The following RABGAP1L variants were observed in gnomAD, a reference collection of about 807,000 sequenced individuals.
The protein encoded by RABGAP1L is rab GTPase-activating protein 1-like.
Under a neutral mutation model 137.7 loss-of-function variants are expected in RABGAP1L, and 63 were observed. The ratio of observed to expected loss-of-function variants is 0.46; its 90% confidence interval spans 0.37 to 0.56. The LOEUF (loss-of-function observed/expected upper bound fraction) is 0.56, where lower values mean the gene tolerates loss of function less well. Ranked by LOEUF, RABGAP1L falls within the 20% of genes least tolerant of loss-of-function variation. RABGAP1L has a pLI of 0.00. For synonymous variants in RABGAP1L, 431 were observed against 433.7 expected (o/e 0.99, Z 0.08); for missense variants, 1,095 against 1,244.0 (o/e 0.88, Z 1.80).
chr1:174,616,100 T>G (rs1419951856), intron 13 of RABGAP1L, among the ~76,000 whole-genome samples: 1 of 152,234 alleles, frequency 6.6e-6, no homozygotes, highest in African/African-American at 2.4e-5. Flanking sequence ...CTGTGCCCAC[T>G]GTCTGGCACT....
At position 174,190,432 on chromosome 1, in the gene RABGAP1L, A is replaced by AT. The variant is rs562618223; in HGVS notation, c.-33-28687dup. 1.8e-4 allele frequency among the ~76,000 whole-genome samples: 28 copies of AT among 152,164 alleles called. No homozygotes were observed. The East Asian group carries it at 4.6e-3, about 25-fold the overall frequency. ...TTTTATAAATTACCAAGTTTCAGGT[A>AT]TTTTTTAATAAGCAATAGAAAGCAG... is the stretch of plus-strand genomic sequence containing the variant. On this transcript the variant is annotated intron_variant, in intron 1 of 25. Coordinates refer to ENST00000681986, the MANE Select transcript of RABGAP1L (RefSeq NM_001366446.1).
chr1:174,314,709 C>A (rs573063634), intron 11 of RABGAP1L, among the ~76,000 whole-genome samples: 2 of 152,004 alleles, frequency 1.3e-5, no homozygotes, highest in African/African-American at 4.8e-5. Flanking sequence ...ATTTATTTCA[C>A]GAAATTTTTC....
intron 13 of RABGAP1L, among the ~76,000 whole-genome samples, chr1:174,458,713 A>AC (rs1214690295): frequency 6.6e-6 from 1 of 152,140 alleles, no homozygotes; most frequent in Non-Finnish European, 1.5e-5. Flanking sequence ...TCTTTATTTA[A>AC]CTACTAATAT....
Position 174,370,855 on chromosome 1 carries a change from G to C in RABGAP1L, c.1466-124G>C, listed in dbSNP as rs1311800530. ...AAATTCTTACTGTTATTTTTGCAAT[G>C]CATGTAATAATATGAAGAGAAGCTG... On this transcript the variant is annotated intron_variant, in intron 11 of 25. Transcript: ENST00000681986. The C allele has an allele frequency of 9.5e-6, 4 of 422,734 alleles. No individual in the cohort carries two copies. In the East Asian group the frequency reaches 1.4e-4, roughly 15 times the overall value. The allele number at this position is 422,734 out of a possible 1,614,324, so 26.2% of individuals were successfully genotyped here.
At chr1:174,951,313 C>A (rs1406473787) in intron 19 of RABGAP1L, among the ~76,000 whole-genome samples, 1 of 152,210 alleles carries the variant, frequency 6.6e-6, no homozygotes, top group Non-Finnish European at 1.5e-5. Context: ...TGGAGGCCAA[C>A]TGGATTTCAT....
chr1:174,402,076 A>T (rs1004394256), intron 13 of RABGAP1L, among the ~76,000 whole-genome samples: 3 of 152,158 alleles, frequency 2.0e-5, no homozygotes, highest in African/African-American at 7.2e-5. Flanking sequence ...CCCTCAGTAG[A>T]TGCTAAACGC....
chr1:174,516,760 G>A (rs1404437158), intron 13 of RABGAP1L, among the ~76,000 whole-genome samples: 1 of 151,842 alleles, frequency 6.6e-6, no homozygotes, highest in Non-Finnish European at 1.5e-5. Flanking sequence ...TAGTTAAGTG[G>A]CAGAGCTGAG....
At chr1:174,530,627 A>G (rs1664307156) in intron 13 of RABGAP1L, among the ~76,000 whole-genome samples, 1 of 152,190 alleles carries the variant, frequency 6.6e-6, no homozygotes, top group Non-Finnish European at 1.5e-5. Context: ...CCAGCCAAGC[A>G]GTCTGCCTCC....
chr1:174,988,977 T>C (rs1671842298), intron 25 of RABGAP1L, 139 bp downstream of exon 25: 1 of 571,160 alleles, frequency 1.8e-6, no homozygotes. Flanking sequence ...TCCTGCATAA[T>C]CACATTTTAT....
At chr1:174,711,860 G>A (rs541800861) in intron 17 of RABGAP1L, among the ~76,000 whole-genome samples, 3 of 152,252 alleles carry the variant, frequency 2.0e-5, no homozygotes, top group Non-Finnish European at 4.4e-5. Flanking sequence ...GAAGCCAGCT[G>A]AGCTTCTGAG....
intron 12 of RABGAP1L, among the ~76,000 whole-genome samples, chr1:174,383,641 C>G (rs991615062): frequency 2.0e-5 from 3 of 152,204 alleles, no homozygotes; most frequent in Non-Finnish European, 2.9e-5. Flanking sequence ...CCTCGCCCTG[C>G]TTCGGCTCGC....
chr1:174,677,749 C>T (rs1486268300), intron 14 of RABGAP1L, among the ~76,000 whole-genome samples: 1 of 152,120 alleles, frequency 6.6e-6, no homozygotes, highest in Non-Finnish European at 1.5e-5. Flanking sequence ...AGGATTGGCA[C>T]CATTATCAGT....
intron 20 of RABGAP1L, among the ~76,000 whole-genome samples, chr1:174,966,058 A>G (rs1669592299): frequency 6.6e-6 from 1 of 152,200 alleles, no homozygotes; most frequent in Admixed American, 6.5e-5. Context: ...TGAAGTAGCT[A>G]CCTGGTATGA....
intron 19 of RABGAP1L, among the ~76,000 whole-genome samples, chr1:174,859,482 C>CAAAAACAAAAAAAAAAAAAAA (rs1649877372): frequency 7.5e-6 from 1 of 133,670 alleles, no homozygotes; most frequent in African/African-American, 2.7e-5. Context: ...GACTCCATCT[C>CAAAAACAAAAAAAAAAAAAAA]AAAAAAAAAG....
intron 14 of RABGAP1L, among the ~76,000 whole-genome samples, chr1:174,660,910 A>G (rs950165720): frequency 1.4e-4 from 21 of 152,126 alleles, no homozygotes; most frequent in African/African-American, 4.3e-4. Flanking sequence ...TACTATATAC[A>G]TTATTTATTT....
At chr1:174,674,073 C>A (rs373705027) in intron 14 of RABGAP1L, among the ~76,000 whole-genome samples, 1 of 135,722 alleles carries the variant, frequency 7.4e-6, no homozygotes, top group African/African-American at 2.7e-5. Flanking sequence ...TTTTTTTTTT[C>A]TTTTTTTTTT....
chr1:174,399,754 G>A (rs1310683992), intron 13 of RABGAP1L, among the ~76,000 whole-genome samples: 1 of 152,136 alleles, frequency 6.6e-6, no homozygotes, highest in Admixed American at 6.6e-5. Flanking sequence ...TGGCAGAAAG[G>A]AGAAGAATGA....
intron 1 of RABGAP1L, among the ~76,000 whole-genome samples, chr1:174,192,585 G>C (rs984188007): frequency 1.1e-4 from 16 of 152,054 alleles, no homozygotes; most frequent in Non-Finnish European, 1.6e-4. Flanking sequence ...GCCTCCCAAA[G>C]TGCTGGGATT....
At chr1:174,434,877 C>A (rs951851857) in intron 13 of RABGAP1L, among the ~76,000 whole-genome samples, 1 of 152,076 alleles carries the variant, frequency 6.6e-6, no homozygotes, top group Non-Finnish European at 1.5e-5. Context: ...ATTTTGGATG[C>A]AACTCCTTTG....
Sources: allele counts gnomAD v4.1 joint callset (sites outside exome capture counted in the v4.1 genomes callset), GRCh38; gene constraint gnomAD v4.1.1; transcripts MANE v1.5; gene names NCBI Gene and HGNC (gene_info 2026-07-23, HGNC 2026-07-21).